CADM3: variants seen among roughly 807,000 people sequenced by gnomAD.
CADM3 encodes the protein TSLC1-like 1.
In CADM3, 11 loss-of-function variants were observed where a neutral mutation model predicts 44.9. The observed-to-expected ratio is 0.25, with a 90% CI of 0.15 to 0.41. CADM3 has a LOEUF of 0.41. CADM3 is among the 10% of genes least tolerant of loss of function. CADM3 has a pLI of 1.00. For synonymous variants in CADM3, 207 were observed against 205.2 expected (o/e 1.01, Z -0.08); for missense variants, 426 against 512.0 (o/e 0.83, Z 1.62).
intron 1 of CADM3, among the ~76,000 whole-genome samples, chr1:159,184,125 G>C (rs1035026061): frequency 6.6e-6 from 1 of 152,170 alleles, no homozygotes; most frequent in African/African-American, 2.4e-5. Context: ...AAAGCTCCAG[G>C]GGCTGAGTTC....
In CADM3 at chr1:159,188,956, G is replaced by A. The variant is rs151086211; in HGVS notation, c.89-2980G>A. 4.3e-3 allele frequency among the ~76,000 whole-genome samples: 656 copies of A among 152,314 alleles called. 4 individuals carry two copies. Among genetic ancestry groups the A allele is most frequent in the Non-Finnish European group, 5.8e-3 (393 of 68,038 alleles). ...GGAAGAGAGGTGAGGAGGTGACGCA[G>A]GCCCTGGAAAAGGGGTTTGTTGTCC... On this transcript the variant is annotated intron_variant, in intron 1 of 8. Coordinates refer to ENST00000368125, the MANE Select transcript of CADM3 (RefSeq NM_001127173.3).
At chr1:159,175,284 T>G (rs914776140) in intron 1 of CADM3, among the ~76,000 whole-genome samples, 1 of 152,238 alleles carries the variant, frequency 6.6e-6, no homozygotes, top group Non-Finnish European at 1.5e-5. Flanking sequence ...ACAGAAAAGT[T>G]AAGACCATCA....
intron 1 of CADM3, among the ~76,000 whole-genome samples, chr1:159,190,945 G>A (rs1203073793): frequency 3.3e-5 from 5 of 152,156 alleles, no homozygotes; most frequent in Non-Finnish European, 5.9e-5. Context: ...AGATTTGTTC[G>A]GTGGGGATCA....
intron 1 of CADM3, among the ~76,000 whole-genome samples, chr1:159,185,836 T>C (rs1649396288): frequency 1.3e-5 from 2 of 152,216 alleles, no homozygotes; most frequent in African/African-American, 2.4e-5. Context: ...GCACCTTCTA[T>C]AAGCAATATG....
At position 159,177,231 on chromosome 1, in the gene CADM3, G is replaced by T. The variant is rs1003797198; in HGVS notation, c.88+5378G>T. Among the ~76,000 whole-genome samples the T allele has an allele frequency of 3.7e-4, 56 of 152,094 alleles. 1 individual carries two copies. The highest frequency in any genetic ancestry group is 3.5e-3 in the Admixed American group (53 of 15,286). ...TGTTGACAAACTGAGTCTGGTGGTG[G>T]TCCTCATTTTTCAGCACAGTCTCTT... On this transcript the variant is annotated intron_variant, in intron 1 of 8. Transcript: ENST00000368125.
chr1:159,196,010 C>G, intron 5 of CADM3: 1 of 184,016 alleles, frequency 5.4e-6, no homozygotes, highest in Non-Finnish European at 1.1e-5. Context: ...GTGACAAGTT[C>G]AACTTTATTT....
intron 1 of CADM3, 21 bp from the exon 2 acceptor site, chr1:159,191,915 A>G (rs752839576): frequency 6.2e-7 from 1 of 1,613,722 alleles, no homozygotes; most frequent in Non-Finnish European, 8.5e-7. Flanking sequence ...TCAGGAAACT[A>G]ACACTCTTCT....
intron 2 of CADM3, 143 bp from the exon 3 acceptor site, chr1:159,192,435 A>G: frequency 1.1e-6 from 1 of 887,812 alleles, no homozygotes; most frequent in Non-Finnish European, 1.8e-6. Context: ...AATAACTTAA[A>G]GACTGCTTAA....
At chr1:159,193,824 T>C (rs1649775335) in intron 4 of CADM3, 46 bp from the exon 5 acceptor site, 1 of 1,601,988 alleles carries the variant, frequency 6.2e-7, no homozygotes, top group Admixed American at 1.7e-5. Context: ...TTACTCTGTG[T>C]CTCTCTCTGT....
At chr1:159,175,327 T>C (rs547761144) in intron 1 of CADM3, among the ~76,000 whole-genome samples, 16 of 152,346 alleles carry the variant, frequency 1.1e-4, no homozygotes, top group Admixed American at 3.9e-4. Context: ...TTTAGTTAAT[T>C]CCATGAAGAA....
chr1:159,186,352 T>C (rs1481996758), intron 1 of CADM3, among the ~76,000 whole-genome samples: 1 of 152,148 alleles, frequency 6.6e-6, no homozygotes, highest in African/African-American at 2.4e-5. Context: ...ATATGACCGA[T>C]ATGACTGAAA....
chr1:159,200,541 CACACA>C (rs1182001221), intron 8 of CADM3, among the ~76,000 whole-genome samples: 1 of 140,706 alleles, frequency 7.1e-6, no homozygotes, highest in Non-Finnish European at 1.7e-5. Context: ...CACACACACA[CACACA>C]CACACACACT....
At chr1:159,199,648 AG>A (rs1479880060) in intron 7 of CADM3, 102 bp from the exon 8 acceptor site, 1 of 1,467,350 alleles carries the variant, frequency 6.8e-7, no homozygotes, top group Non-Finnish European at 9.5e-7. Flanking sequence ...TCCTGATGTT[AG>A]TACCTGTTCC....
In CADM3 at chr1:159,196,430, A is replaced by G; in HGVS notation, c.758A>G (p.His253Arg). The G allele has an allele frequency of 1.2e-6, 2 of 1,613,986 alleles. No homozygotes were observed. The highest frequency in any genetic ancestry group is 1.7e-6 in the Non-Finnish European group (2 of 1,179,962). ...HPREGQKLLLHCEGRGNPVPQ... is the reference protein window; with the variant it reads ...HPREGQKLLLRCEGRGNPVPQ... Reference sequence around the variant, plus strand: ...CGTGAGGGCCAGAAGCTGTTGCTACACTGTGAGGGTCGCGGCAATCCAGTG... The same window carrying G: ...CGTGAGGGCCAGAAGCTGTTGCTACGCTGTGAGGGTCGCGGCAATCCAGTG... The change falls in exon 6 of 9, where the codon CAC (histidine) becomes CGC (arginine). Residue 253 changes from histidine to arginine, a missense_variant. By Grantham distance (29) the His-to-Arg change is conservative. Transcript: ENST00000368125.
In CADM3 at chr1:159,192,055, C is replaced by G. The variant is rs374672732; in HGVS notation, c.208C>G (p.Leu70Val). Reference protein sequence around the residue: ...LQWSNPAQQTLYFGEKRALRD... With the variant: ...LQWSNPAQQTVYFGEKRALRD... The stretch of plus-strand genomic sequence containing the variant: ...ATGGTCTAACCCTGCTCAGCAGACT[C>G]TCTACTTTGGGGAGAAGAGAGGTAG... Residue 70 changes from leucine (L) to valine (V), a missense_variant, in exon 2 of 9, where the codon CTC (leucine) becomes GTC (valine). Coordinates refer to ENST00000368125, the MANE Select transcript of CADM3 (RefSeq NM_001127173.3). 1 of 1,614,106 alleles carries G rather than the reference C, an allele frequency of 6.2e-7. No individual in the cohort carries two copies. Among genetic ancestry groups the G allele is most frequent in the Non-Finnish European group, 8.5e-7 (1 of 1,180,038 alleles).
Position 159,171,971 on chromosome 1 carries a change from C to T in CADM3, c.88+118C>T, listed in dbSNP as rs1648828394. On this transcript the variant is annotated intron_variant, in intron 1 of 8. Transcript: ENST00000368125. ...TTGTTTGGAACCGGGGTTAAAGTCA[C>T]CAGCCGCTGCTAATACCCTTGTGTC... 4.5e-5 allele frequency: 24 copies of T among 533,204 alleles called. No individual in the cohort carries two copies. In the East Asian group the frequency reaches 8.4e-4, roughly 19 times the overall value. 33.0% of individuals were successfully genotyped at this position (533,204 alleles called of 1,614,324 possible).
At chr1:159,190,850 A>C (rs1649628053) in intron 1 of CADM3, among the ~76,000 whole-genome samples, 1 of 152,256 alleles carries the variant, frequency 6.6e-6, no homozygotes, top group African/African-American at 2.4e-5. Flanking sequence ...TTCAGACATA[A>C]GCAATGTTGG....
At chr1:159,187,716 C>A (rs569452467) in intron 1 of CADM3, among the ~76,000 whole-genome samples, 1 of 152,294 alleles carries the variant, frequency 6.6e-6, no homozygotes, top group South Asian at 2.1e-4. Flanking sequence ...TGCCGTCCCA[C>A]ACCTTGGCAC....
rs554766224 is a variant in CADM3 at position 159,200,016 on chromosome 1, G to A, written c.1078+140G>A. The A allele has an allele frequency of 8.9e-6, 10 of 1,129,788 alleles. No individual in the cohort carries two copies. In the South Asian group the frequency reaches 1.0e-4, roughly 12 times the overall value. 70.0% of individuals were successfully genotyped at this position (1,129,788 alleles called of 1,614,324 possible). ...TTGGAGTGTTTAGGGAATTAAAAATGGAGCCAACCCTATCATTGCCAACCC... is the reference window on the plus strand; with the variant it reads ...TTGGAGTGTTTAGGGAATTAAAAATAGAGCCAACCCTATCATTGCCAACCC... On this transcript the variant is annotated intron_variant, in intron 8 of 8. Coordinates refer to ENST00000368125, the MANE Select transcript of CADM3 (RefSeq NM_001127173.3).
Sources: gnomAD v4.1 joint callset for allele counts (sites outside exome capture counted in the v4.1 genomes callset) on GRCh38, gnomAD v4.1.1 for gene constraint, MANE v1.5 for transcripts, NCBI Gene and HGNC (gene_info 2026-07-23, HGNC 2026-07-21) for gene names.